UMAD1: variants seen among roughly 807,000 people sequenced by gnomAD.
UMAD1 encodes UBAP1-MVB12-associated (UMA)-domain containing protein 1.
UMAD1 carries 8 observed loss-of-function variants against 6.1 expected under a neutral mutation model. The ratio of observed to expected loss-of-function variants is 1.30; its 90% CI spans 0.76 to 2.35. The LOEUF (loss-of-function observed/expected upper bound fraction) is 2.35. Among genes scored for constraint, UMAD1 ranks in the 30% most tolerant of loss-of-function variants. The pLI is 0.00. For synonymous variants in UMAD1, 56 were observed against 31.4 expected, an observed-to-expected ratio of 1.78 and a Z score of -2.61; for missense variants, 130 against 78.4, an observed-to-expected ratio of 1.66 and a Z score of -2.49.
chr7:7,866,286 A>C (rs956557039), intron 3 of UMAD1, among the ~76,000 whole-genome samples: 13 of 152,200 alleles, frequency 8.5e-5, no homozygotes, highest in African/African-American at 2.7e-4. Context: ...TGGGAATGAA[A>C]GCTGTAGTCC....
At chr7:7,774,095 A>T (rs1287242793) in intron 2 of UMAD1, among the ~76,000 whole-genome samples, 3 of 152,166 alleles carry the variant, frequency 2.0e-5, no homozygotes, top group East Asian at 1.9e-4. Flanking sequence ...TCTGTTTGCA[A>T]ACTGAGTCCT....
intron 3 of UMAD1, among the ~76,000 whole-genome samples, chr7:7,834,835 C>T (rs1783535789): frequency 6.6e-6 from 1 of 152,146 alleles, no homozygotes; most frequent in African/African-American, 2.4e-5. Flanking sequence ...CCATAGCAGA[C>T]AGTGAGCTTG....
At chr7:7,753,392 T>C (rs574362611) in intron 2 of UMAD1, among the ~76,000 whole-genome samples, 51 of 152,346 alleles carry the variant, frequency 3.3e-4, no homozygotes, top group African/African-American at 1.2e-3. Flanking sequence ...TGGCACCCAT[T>C]AACCATCCCC....
At chr7:7,728,464 T>G (rs907626750) in intron 2 of UMAD1, among the ~76,000 whole-genome samples, 2 of 152,038 alleles carry the variant, frequency 1.3e-5, no homozygotes, top group African/African-American at 2.4e-5. Context: ...ACCAACATGG[T>G]GAAACCCCGT....
At chr7:7,843,769 G>C (rs1783732209) in intron 3 of UMAD1, among the ~76,000 whole-genome samples, 1 of 152,048 alleles carries the variant, frequency 6.6e-6, no homozygotes, top group Non-Finnish European at 1.5e-5. Context: ...TTTCCATCCA[G>C]GAAAAATTAT....
At chr7:7,642,435 A>T (rs1333004369) in intron 1 of UMAD1, among the ~76,000 whole-genome samples, 1 of 150,936 alleles carries the variant, frequency 6.6e-6, no homozygotes. Flanking sequence ...CTGGAATTAC[A>T]GGTGTGAGCC....
At chr7:7,797,863 A>G (rs1198411247) in intron 2 of UMAD1, among the ~76,000 whole-genome samples, 1 of 151,770 alleles carries the variant, frequency 6.6e-6, no homozygotes, top group African/African-American at 2.4e-5. Flanking sequence ...TAATTTTTGT[A>G]TTTTTGTTAG....
At chr7:7,679,711 AAT>A (rs372324513) in intron 2 of UMAD1, among the ~76,000 whole-genome samples, 8,830 of 128,316 alleles carry the variant, frequency 0.069, 1,278 homozygotes, top group African/African-American at 0.25. Flanking sequence ...TTTATAGATA[AAT>A]ATATATATAT....
intron 3 of UMAD1, among the ~76,000 whole-genome samples, chr7:7,836,515 C>A (rs1252250304): frequency 6.6e-6 from 1 of 151,886 alleles, no homozygotes; most frequent in East Asian, 1.9e-4. Context: ...TGTCTCAAGG[C>A]CAAGTGAGAG....
chr7:7,832,767 A>G lies in UMAD1; in HGVS notation c.156+31024A>G, dbSNP rs371620976. Among the ~76,000 whole-genome samples, 103 of 152,330 alleles carry G rather than the reference A, an allele frequency of 6.8e-4. 1 individual carries two copies. Among genetic ancestry groups the G allele is most frequent in the African/African-American group, 2.3e-3 (97 of 41,582 alleles). On this transcript the variant is annotated intron_variant, in intron 3 of 3. Coordinates refer to ENST00000682710, the MANE Select transcript of UMAD1 (RefSeq NM_001302348.2). Reference sequence around the variant, plus strand: ...TAGGATTTTAGAACAAACTGTTGACATAAGAAAGGTGCTTCTGTCTGCAAG... The same window carrying G: ...TAGGATTTTAGAACAAACTGTTGACGTAAGAAAGGTGCTTCTGTCTGCAAG...
intron 2 of UMAD1, among the ~76,000 whole-genome samples, chr7:7,798,020 G>A (rs1050018873): frequency 1.3e-5 from 2 of 152,202 alleles, no homozygotes; most frequent in Non-Finnish European, 2.9e-5. Flanking sequence ...AATGATGGAA[G>A]ACATATATTT....
chr7:7,718,494 C>G (rs1251045836), intron 2 of UMAD1: 1 of 152,130 alleles, frequency 6.6e-6, no homozygotes, highest in Non-Finnish European at 1.5e-5. Context: ...ATGTATCCAA[C>G]AAATTCAAAC....
chr7:7,674,721 A>G (rs951549764), intron 2 of UMAD1, among the ~76,000 whole-genome samples: 8 of 152,294 alleles, frequency 5.3e-5, no homozygotes, highest in South Asian at 2.1e-4. Context: ...CTTGGCTTCC[A>G]AGTCAGAACT....
intron 1 of UMAD1, among the ~76,000 whole-genome samples, chr7:7,663,435 C>A (rs889473241): frequency 1.3e-5 from 2 of 152,066 alleles, no homozygotes; most frequent in African/African-American, 4.8e-5. Flanking sequence ...TCTTGCTTAT[C>A]CTCTCAGGCA....
chr7:7,871,981 C>G (rs542446143), intron 3 of UMAD1, among the ~76,000 whole-genome samples: 15 of 152,090 alleles, frequency 9.9e-5, no homozygotes, highest in African/African-American at 3.4e-4. Context: ...CACTCAGTCT[C>G]CCACCACATC....
At chr7:7,829,896 G>C (rs924037880) in intron 3 of UMAD1, among the ~76,000 whole-genome samples, 10 of 152,194 alleles carry the variant, frequency 6.6e-5, no homozygotes, top group African/African-American at 2.4e-4. Flanking sequence ...ATATTCACTA[G>C]GAGCTGTCAG....
chr7:7,852,200 T>C (rs1041075549), intron 3 of UMAD1, among the ~76,000 whole-genome samples: 3 of 152,202 alleles, frequency 2.0e-5, no homozygotes, highest in Non-Finnish European at 2.9e-5. Flanking sequence ...GCTTTATTTC[T>C]GGATGTTTGG....
intron 3 of UMAD1, among the ~76,000 whole-genome samples, chr7:7,803,726 C>G (rs996111546): frequency 2.0e-5 from 3 of 151,626 alleles, no homozygotes. Flanking sequence ...TGCACTCTGG[C>G]TGTGTCCTCA....
intron 2 of UMAD1, among the ~76,000 whole-genome samples, chr7:7,727,960 A>G (rs993558399): frequency 6.6e-6 from 1 of 151,458 alleles, no homozygotes; most frequent in Non-Finnish European, 1.5e-5. Flanking sequence ...ACTCCTTAAT[A>G]AACTCTTTAT....
Sources: gnomAD v4.1 joint callset for allele counts (sites outside exome capture counted in the v4.1 genomes callset) on GRCh38, gnomAD v4.1.1 for gene constraint, MANE v1.5 for transcripts, NCBI Gene and HGNC (gene_info 2026-07-23, HGNC 2026-07-21) for gene names.